The following ITSN2 variants were observed in gnomAD, a reference collection of about 807,000 sequenced individuals.
ITSN2 encodes the protein intersectin 2.
In ITSN2, 156 loss-of-function variants were observed where a neutral mutation model predicts 243.7. The observed-to-expected ratio is 0.64, with a 90% CI of 0.56 to 0.73. The LOEUF (loss-of-function observed/expected upper bound fraction) is 0.73. ITSN2 is among the 30% of genes least tolerant of loss of function. ITSN2 has a pLI of 0.00. For missense variants in ITSN2, 1,801 were observed against 1,996.1 expected (o/e 0.90, Z 1.86); for synonymous variants, 703 against 699.9 (o/e 1.00, Z -0.07).
At position 24,301,075 on chromosome 2, in the gene ITSN2, T is replaced by C. The variant is rs996219640; in HGVS notation, c.1081+79A>G. 4.4e-5 allele frequency: 33 copies of C among 748,854 alleles called. No homozygotes were observed. The African/African-American group carries it at 5.5e-4, about 13-fold the overall frequency. 46.4% of individuals were successfully genotyped at this position (748,854 alleles called of 1,614,324 possible). A position where few individuals can be genotyped will look rare whatever the true frequency, so the allele number is the denominator to read the frequency against. ...ACATCAAATATTAAAAATATAAAAA[T>C]TCTAAATATTCCATTACATTTAAAG... On this transcript the variant is annotated intron_variant, in intron 11 of 39. Coordinates refer to ENST00000355123, the MANE Select transcript of ITSN2 (RefSeq NM_006277.3).
At chr2:24,209,310 A>G in intron 35 of ITSN2, 89 bp from the exon 36 acceptor site, 1 of 1,522,658 alleles carries the variant, frequency 6.6e-7, no homozygotes, top group South Asian at 1.2e-5. Context: ...TTTGTTCTGA[A>G]GAGCCTTGTT....
At chr2:24,252,235 C>G (rs753090130) in intron 25 of ITSN2, 110 bp downstream of exon 25, 98 of 800,406 alleles carry the variant, frequency 1.2e-4, no homozygotes, top group Non-Finnish European at 3.0e-5. Context: ...AACATGATCT[C>G]TAAGTATAAA....
intron 22 of ITSN2, among the ~76,000 whole-genome samples, chr2:24,260,416 G>A (rs1193083850): frequency 6.7e-6 from 1 of 150,248 alleles, no homozygotes; most frequent in South Asian, 2.1e-4. Context: ...CTAAATCAGA[G>A]GCTAAATATA....
intron 10 of ITSN2, 54 bp downstream of exon 10, chr2:24,301,911 A>C: frequency 1.3e-6 from 2 of 1,515,406 alleles, no homozygotes; most frequent in African/African-American, 1.4e-5. Context: ...TCTCTTCTAA[A>C]TCACATCTGC....
At chr2:24,212,218 CT>C (rs1296762838) in intron 33 of ITSN2, among the ~76,000 whole-genome samples, 2 of 152,116 alleles carry the variant, frequency 1.3e-5, no homozygotes, top group African/African-American at 4.8e-5. Context: ...GTGGAGCCTC[CT>C]GGGACATCTA....
At chr2:24,234,123 G>T (rs1257019414) in intron 29 of ITSN2, among the ~76,000 whole-genome samples, 2 of 151,968 alleles carry the variant, frequency 1.3e-5, no homozygotes, top group African/African-American at 4.8e-5. Flanking sequence ...ACTGGCCAAA[G>T]AATACACAAA....
At chr2:24,222,221 C>T (rs1670530488) in intron 29 of ITSN2, among the ~76,000 whole-genome samples, 1 of 143,986 alleles carries the variant, frequency 6.9e-6, no homozygotes, top group Non-Finnish European at 1.5e-5. Flanking sequence ...CACTGCACTC[C>T]AGCCTGGGCA....
At chr2:24,278,527 C>A (rs1158604525) in intron 17 of ITSN2, among the ~76,000 whole-genome samples, 1 of 152,072 alleles carries the variant, frequency 6.6e-6, no homozygotes, top group African/African-American at 2.4e-5. Context: ...GTAAAAATTC[C>A]TATCCTTAGA....
intron 17 of ITSN2, among the ~76,000 whole-genome samples, chr2:24,276,647 C>T (rs1031317140): frequency 1.8e-4 from 27 of 152,198 alleles, no homozygotes; most frequent in African/African-American, 6.0e-4. Flanking sequence ...CACCTTCCTC[C>T]CAACATCTTA....
At chr2:24,258,157 G>A in intron 22 of ITSN2, 64 bp from the exon 23 acceptor site, 1 of 1,188,226 alleles carries the variant, frequency 8.4e-7, no homozygotes. Context: ...CTGTTTCTGT[G>A]TATATAACAT....
chr2:24,300,990 T>C (rs1428600389), intron 11 of ITSN2, among the ~76,000 whole-genome samples, 164 bp downstream of exon 11: 1 of 152,202 alleles, frequency 6.6e-6, no homozygotes, highest in East Asian at 1.9e-4. Flanking sequence ...ATTTTGACCA[T>C]CTTAATTTTA....
intron 30 of ITSN2, among the ~76,000 whole-genome samples, chr2:24,219,278 C>G (rs1670233946): frequency 6.6e-6 from 1 of 152,202 alleles, no homozygotes; most frequent in African/African-American, 2.4e-5. Context: ...TGGCATAGCC[C>G]TTTGCACATC....
chr2:24,214,015 T>C (rs1669732795), intron 32 of ITSN2, among the ~76,000 whole-genome samples: 1 of 152,236 alleles, frequency 6.6e-6, no homozygotes, highest in African/African-American at 2.4e-5. Flanking sequence ...TCTCCTTTTA[T>C]AGATGAGGGG....
chr2:24,315,254 T>C (rs758404781), intron 2 of ITSN2, 30 bp from the exon 3 acceptor site: 2 of 1,219,380 alleles, frequency 1.6e-6, no homozygotes, highest in Non-Finnish European at 2.4e-6. Flanking sequence ...AACTATAGTG[T>C]ATACATGAGA....
Position 24,343,188 on chromosome 2 carries a change from G to A in ITSN2, c.-33-15073C>T, listed in dbSNP as rs149131191. On this transcript the variant is annotated intron_variant, in intron 1 of 39. Transcript: ENST00000355123. ...ATGTTAATGCCTAGCTGATACAAATGTCAATTAGCATAAGATCCTTAAAAC... is the reference window on the plus strand; with the variant it reads ...ATGTTAATGCCTAGCTGATACAAATATCAATTAGCATAAGATCCTTAAAAC... Among the ~76,000 whole-genome samples, 964 of 151,140 alleles carry A rather than the reference G, an allele frequency of 6.4e-3. 2 individuals are homozygous for A. Among genetic ancestry groups the A allele is most frequent in the Non-Finnish European group, 9.1e-3 (618 of 67,844 alleles).
intron 29 of ITSN2, among the ~76,000 whole-genome samples, chr2:24,231,633 T>C (rs569852207): frequency 6.6e-6 from 1 of 152,280 alleles, no homozygotes; most frequent in South Asian, 2.1e-4. Flanking sequence ...GGAAGCACTA[T>C]TCCAAGTTAC....
At chr2:24,246,044 G>A in intron 29 of ITSN2, 85 bp downstream of exon 29, 1 of 888,112 alleles carries the variant, frequency 1.1e-6, no homozygotes, top group South Asian at 2.0e-5. Context: ...CTGAGTTTAA[G>A]ATCTAATCCA....
At chr2:24,248,182 T>G (rs1334827866) in intron 27 of ITSN2, among the ~76,000 whole-genome samples, 1 of 152,142 alleles carries the variant, frequency 6.6e-6, no homozygotes, top group African/African-American at 2.4e-5. Context: ...GGTTCATCTA[T>G]GTCTGTATTG....
At chr2:24,314,141 T>G (rs1683625624) in intron 3 of ITSN2, among the ~76,000 whole-genome samples, 1 of 152,214 alleles carries the variant, frequency 6.6e-6, no homozygotes, top group Non-Finnish European at 1.5e-5. Flanking sequence ...CTGGGCTCTC[T>G]GCATTGTCTC....
Sources: allele counts gnomAD v4.1 joint callset (sites outside exome capture counted in the v4.1 genomes callset), GRCh38; gene constraint gnomAD v4.1.1; transcripts MANE v1.5; gene names NCBI Gene and HGNC (gene_info 2026-07-23, HGNC 2026-07-21).